The following TOP2B variants were observed in gnomAD, a reference collection of about 807,000 sequenced individuals.
TOP2B encodes DNA topoisomerase 2-beta.
TOP2B carries 51 observed loss-of-function variants against 193.5 expected under a neutral mutation model. That is an observed-to-expected ratio of 0.26 (90% confidence interval 0.21 to 0.33). TOP2B has a LOEUF of 0.33. Among genes scored for constraint, TOP2B ranks in the 10% least tolerant of loss-of-function variants. The pLI, the probability that TOP2B is intolerant of heterozygous loss-of-function variation, is 1.00. For synonymous variants in TOP2B, 634 were observed against 635.7 expected, an observed-to-expected ratio of 1.00 and a Z score of 0.04; for missense variants, 1,378 against 1,909.3, an observed-to-expected ratio of 0.72 and a Z score of 5.19.
chr3:25,645,464 A>T lies in TOP2B; in HGVS notation c.76T>A (p.Phe26Ile). The T allele has an allele frequency of 6.2e-7, 1 of 1,603,238 alleles. No individual in the cohort carries two copies. The highest frequency in any genetic ancestry group is 8.5e-7 in the Non-Finnish European group (1 of 1,175,312). ...GNGALTWVTL[F>I]DQNNAAKKEE... ...TTTTTTGCAGCATTGTTCTGATCAA[A>T]AAGAGTCTAAAATTAACCAAAAAAT... Residue 26 changes from phenylalanine to isoleucine, a missense_variant, in exon 2 of 36, where the codon TTT (phenylalanine) becomes ATT (isoleucine). This residue lies in a region of TOP2B where 83 missense variants were observed against 59.3 expected (regional missense o/e 1.40). Transcript: ENST00000264331.
chr3:25,600,011 A>G (rs1235420881), intron 34 of TOP2B, among the ~76,000 whole-genome samples: 1 of 152,230 alleles, frequency 6.6e-6, no homozygotes, highest in African/African-American at 2.4e-5. Flanking sequence ...ACTCCGTTTT[A>G]CTTATCAAAG....
At chr3:25,619,738 GAAAA>G (rs375797612) in intron 23 of TOP2B, 120 bp downstream of exon 23, 614 of 521,192 alleles carry the variant, frequency 1.2e-3, no homozygotes, top group Middle Eastern at 2.0e-3. Flanking sequence ...TGCAGGATGG[GAAAA>G]AAAAAAAAAA....
chr3:25,637,428 T>A (rs1186980737), intron 5 of TOP2B, 116 bp from the exon 6 acceptor site: 1 of 647,390 alleles, frequency 1.5e-6, no homozygotes, highest in Non-Finnish European at 2.7e-6. Flanking sequence ...GCATTACCAA[T>A]CACCAATTGA....
Position 25,629,188 on chromosome 3 carries a change from A to G in TOP2B, c.1690-43T>C, listed in dbSNP as rs374307708. The G allele has an allele frequency of 5.1e-6, 7 of 1,363,188 alleles. No homozygotes were observed. The African/African-American group carries it at 1.0e-4, about 20-fold the overall frequency. The allele number at this position is 1,363,188 out of a possible 1,614,324, so 84.4% of individuals were successfully genotyped here. A position where few individuals can be genotyped will look rare whatever the true frequency, so the allele number is the denominator to read the frequency against. On this transcript the variant is annotated intron_variant, in intron 13 of 35. Coordinates refer to ENST00000264331, the MANE Select transcript of TOP2B (RefSeq NM_001330700.2). ...AAGTAAAAAATGTTGTAATACTTTT[A>G]TAAAATGATTACTTATATAAACAAA...
chr3:25,637,375 T>A, intron 5 of TOP2B, 63 bp from the exon 6 acceptor site: 2 of 1,224,750 alleles, frequency 1.6e-6, no homozygotes, highest in Non-Finnish European at 1.2e-6. Context: ...TTCGTTAATT[T>A]ACCACCATAC....
At chr3:25,617,360 G>A (rs963727797) in intron 25 of TOP2B, among the ~76,000 whole-genome samples, 5 of 151,964 alleles carry the variant, frequency 3.3e-5, no homozygotes, top group Admixed American at 6.6e-5. Flanking sequence ...CTCTGAATGC[G>A]CCCATCTTGT....
In TOP2B at chr3:25,619,951, TCAC is replaced by T; in HGVS notation, c.2971_2973del (p.Val991del). On this transcript the variant is annotated inframe_deletion, in exon 23 of 36. Transcript: ENST00000264331. ...TGTGCTAGTTTCTCTTCAGTCATTT[TCAC>T]CACAAATTTCACAGTTGTGTCAGTA... The T allele has an allele frequency of 6.2e-7, 1 of 1,613,334 alleles. No individual in the cohort carries two copies. Among genetic ancestry groups the T allele is most frequent in the East Asian group, 2.2e-5 (1 of 44,824 alleles).
At chr3:25,639,468 T>C (rs967154048) in intron 4 of TOP2B, among the ~76,000 whole-genome samples, 5 of 152,098 alleles carry the variant, frequency 3.3e-5, no homozygotes, top group Non-Finnish European at 5.9e-5. Flanking sequence ...CCACCACGAC[T>C]GGCTAATTTT....
chr3:25,618,226 C>T, intron 25 of TOP2B, 192 bp downstream of exon 25: 2 of 544,992 alleles, frequency 3.7e-6, no homozygotes, highest in East Asian at 2.9e-5. Flanking sequence ...TGGCCAAGTG[C>T]TTTGTGGTGG....
chr3:25,647,307 A>G (rs989378595), intron 1 of TOP2B, among the ~76,000 whole-genome samples: 1 of 152,206 alleles, frequency 6.6e-6, no homozygotes, highest in African/African-American at 2.4e-5. Flanking sequence ...AAGCCTCAAA[A>G]TAGTTAGAAC....
In TOP2B at chr3:25,664,129, G is replaced by T. The variant is rs991686413; in HGVS notation, c.69+100C>A. On this transcript the variant is annotated intron_variant, in intron 1 of 35. Transcript: ENST00000264331. ...CCTATGGAGCGCCCGTTCGGGGGAC[G>T]GGATTTCCCTCCCTTTCCCCTCCCC... 2.8e-5 allele frequency: 42 copies of T among 1,499,498 alleles called. No individual in the cohort carries two copies. In the Admixed American group the frequency reaches 7.2e-4, roughly 26 times the overall value. 92.9% of individuals were successfully genotyped at this position (1,499,498 alleles called of 1,614,324 possible). A position where few individuals can be genotyped will look rare whatever the true frequency, so the allele number is the denominator to read the frequency against.
chr3:25,605,778 T>C (rs978312586), intron 32 of TOP2B, among the ~76,000 whole-genome samples: 2 of 152,084 alleles, frequency 1.3e-5, no homozygotes, highest in African/African-American at 4.8e-5. Context: ...ATTAAAACAC[T>C]ACACATACAC....
At chr3:25,606,624 T>C (rs866410435) in intron 31 of TOP2B, among the ~76,000 whole-genome samples, 1 of 152,150 alleles carries the variant, frequency 6.6e-6, no homozygotes, top group Admixed American at 6.6e-5. Context: ...CCAATTGTAA[T>C]AGGTGAGAAA....
chr3:25,606,387 G>T (rs1702238217), intron 31 of TOP2B, among the ~76,000 whole-genome samples: 1 of 151,934 alleles, frequency 6.6e-6, no homozygotes, highest in African/African-American at 2.4e-5. Context: ...ATATAAAAAA[G>T]AATGGAAACT....
Position 25,664,575 on chromosome 3 carries a change from C to G in TOP2B, c.-278G>C. The G allele has an allele frequency of 2.9e-6, 3 of 1,045,078 alleles. No individual in the cohort carries two copies. Among genetic ancestry groups the G allele is most frequent in the Non-Finnish European group, 3.4e-6 (3 of 869,924 alleles). The allele number at this position is 1,045,078 out of a possible 1,614,324, so 64.7% of individuals were successfully genotyped here. On this transcript the variant is annotated 5_prime_UTR_variant, in exon 1 of 36. Coordinates refer to ENST00000264331, the MANE Select transcript of TOP2B (RefSeq NM_001330700.2). Reference sequence around the variant, plus strand: ...AAAGCAGGGAGCGACCGGCGGCGGCCGAGCGGCGGCGTTGCCTTCTCGCCC... The same window carrying G: ...AAAGCAGGGAGCGACCGGCGGCGGCGGAGCGGCGGCGTTGCCTTCTCGCCC...
At chr3:25,631,902 A>G (rs1702970102) in intron 10 of TOP2B, among the ~76,000 whole-genome samples, 1 of 152,052 alleles carries the variant, frequency 6.6e-6, no homozygotes, top group African/African-American at 2.4e-5. Flanking sequence ...GCAGTTATAG[A>G]GCATTTCCCC....
At chr3:25,632,168 T>C (rs1264245155) in intron 10 of TOP2B, among the ~76,000 whole-genome samples, 2 of 152,034 alleles carry the variant, frequency 1.3e-5, no homozygotes, top group Non-Finnish European at 2.9e-5. Flanking sequence ...TCTGGACATC[T>C]GTTAGGGGAA....
At chr3:25,643,201 G>C (rs1214081528) in intron 3 of TOP2B, among the ~76,000 whole-genome samples, 1 of 152,214 alleles carries the variant, frequency 6.6e-6, no homozygotes, top group Non-Finnish European at 1.5e-5. Context: ...TTCCCTAGCA[G>C]TCAACTAGGC....
intron 3 of TOP2B, among the ~76,000 whole-genome samples, chr3:25,642,745 T>C: frequency 6.6e-6 from 1 of 152,146 alleles, no homozygotes; most frequent in East Asian, 1.9e-4. Flanking sequence ...AACAAGCAAT[T>C]GCATTCTATT....
Sources: allele counts gnomAD v4.1 joint callset (sites outside exome capture counted in the v4.1 genomes callset), GRCh38; gene constraint gnomAD v4.1.1; regional missense constraint gnomAD v4.1.1; transcripts MANE v1.5; gene names NCBI Gene and HGNC (gene_info 2026-07-23, HGNC 2026-07-21).